Variants in CAPZB observed in about 807,000 individuals in gnomAD.
CAPZB encodes the protein F-actin-capping protein subunit beta.
In CAPZB, 2 loss-of-function variants were observed where a neutral mutation model predicts 38.1. The ratio of observed to expected loss-of-function variants is 0.05; its 90% confidence interval spans 0.02 to 0.17. The LOEUF (loss-of-function observed/expected upper bound fraction) is 0.17, where lower values mean the gene tolerates loss of function less well. CAPZB is among the 10% of genes least tolerant of loss of function. CAPZB has a pLI of 1.00. For missense variants in CAPZB, 161 were observed against 334.2 expected (o/e 0.48, Z 4.04); for synonymous variants, 107 against 127.4 (o/e 0.84, Z 1.08).
intron 1 of CAPZB, among the ~76,000 whole-genome samples, chr1:19,468,341 G>C (rs1408902947): frequency 1.3e-5 from 2 of 152,076 alleles, no homozygotes; most frequent in Non-Finnish European, 2.9e-5. Flanking sequence ...GTTACAAAGG[G>C]CTCCCTCCTG....
At chr1:19,471,471 C>T (rs1244531021) in intron 1 of CAPZB, among the ~76,000 whole-genome samples, 4 of 152,206 alleles carry the variant, frequency 2.6e-5, no homozygotes, top group Non-Finnish European at 5.9e-5. Context: ...GAGGATCCCA[C>T]ACTCACAGTA....
chr1:19,409,173 C>A (rs556509514), intron 2 of CAPZB, among the ~76,000 whole-genome samples: 1 of 152,094 alleles, frequency 6.6e-6, no homozygotes, highest in African/African-American at 2.4e-5. Flanking sequence ...CTTCTCAGAG[C>A]CTTTAATATG....
At chr1:19,457,402 A>G (rs2094536335) in intron 1 of CAPZB, among the ~76,000 whole-genome samples, 1 of 152,176 alleles carries the variant, frequency 6.6e-6, no homozygotes, top group South Asian at 2.1e-4. Context: ...ACAATGGCGC[A>G]CAGGCTGGCT....
rs554929344 is a variant in CAPZB, at chr1:19,428,868, G to GA, written c.4-9119dup. ...TGTGACCTAAGGTAGAGGACAGCCA[G>GA]AAAAAAAAAGCAGGAAAGAACTACA... is the stretch of plus-strand genomic sequence containing the variant. On this transcript the variant is annotated intron_variant, in intron 1 of 8. Coordinates refer to ENST00000264202, the MANE Select transcript of CAPZB (RefSeq NM_004930.5). 2.1e-4 allele frequency among the ~76,000 whole-genome samples: 32 copies of GA among 150,896 alleles called. No homozygotes were observed. In the East Asian group the frequency reaches 2.5e-3, roughly 12 times the overall value.
chr1:19,368,545 C>A (rs1483577661), intron 4 of CAPZB, among the ~76,000 whole-genome samples: 1 of 150,414 alleles, frequency 6.6e-6, no homozygotes, highest in South Asian at 2.1e-4. Context: ...AAAAAAGGAA[C>A]CCGCTGGGTG....
In CAPZB at chr1:19,456,230, A is replaced by G. The variant is rs544088953; in HGVS notation, c.3+29206T>C. Among the ~76,000 whole-genome samples the G allele has an allele frequency of 1.2e-3, 186 of 152,310 alleles. 1 individual carries two copies. The highest frequency in any genetic ancestry group is 1.2e-3 in the Non-Finnish European group (82 of 68,030). ...CCCGGTCCACAAGGCTCATAATTTTAAGGGCAACCAACAATCTGCTGCTAT... is the reference window on the plus strand; with the variant it reads ...CCCGGTCCACAAGGCTCATAATTTTGAGGGCAACCAACAATCTGCTGCTAT... On this transcript the variant is annotated intron_variant, in intron 1 of 8. Transcript: ENST00000264202.
intron 2 of CAPZB, among the ~76,000 whole-genome samples, chr1:19,409,342 C>A (rs530106122): frequency 6.6e-6 from 1 of 152,106 alleles, no homozygotes; most frequent in East Asian, 1.9e-4. Context: ...AGGTCACAGT[C>A]CAACAAGAAA....
At chr1:19,368,300 G>A (rs1255825372) in intron 4 of CAPZB, among the ~76,000 whole-genome samples, 4 of 152,080 alleles carry the variant, frequency 2.6e-5, no homozygotes, top group Non-Finnish European at 5.9e-5. Flanking sequence ...CAGCCAGTAG[G>A]TTAGATGCCC....
chr1:19,455,279 G>A (rs999137736), intron 1 of CAPZB, among the ~76,000 whole-genome samples: 1 of 152,236 alleles, frequency 6.6e-6, no homozygotes, highest in Non-Finnish European at 1.5e-5. Context: ...TTAACAAAAC[G>A]ATTCCACATC....
intron 4 of CAPZB, among the ~76,000 whole-genome samples, chr1:19,362,407 T>C (rs2094058331): frequency 6.6e-6 from 1 of 152,202 alleles, no homozygotes; most frequent in Non-Finnish European, 1.5e-5. Context: ...TGGATAATTA[T>C]TGTATTTTTA....
chr1:19,470,431 C>G (rs765362685), intron 1 of CAPZB, among the ~76,000 whole-genome samples: 1 of 152,108 alleles, frequency 6.6e-6, no homozygotes, highest in South Asian at 2.1e-4. Context: ...TCTGACTGTT[C>G]GACCCAATTG....
At chr1:19,453,025 G>A (rs906571279) in intron 1 of CAPZB, among the ~76,000 whole-genome samples, 4 of 151,674 alleles carry the variant, frequency 2.6e-5, no homozygotes, top group African/African-American at 9.7e-5. Context: ...GGCTGGTCTC[G>A]AACTCCTGAC....
chr1:19,427,659 T>G (rs2094427918), intron 1 of CAPZB, among the ~76,000 whole-genome samples: 1 of 152,188 alleles, frequency 6.6e-6, no homozygotes, highest in African/African-American at 2.4e-5. Context: ...AAGTGCTTCC[T>G]CCACTGCCTG....
intron 1 of CAPZB, among the ~76,000 whole-genome samples, chr1:19,479,931 C>T (rs1339612224): frequency 1.3e-5 from 2 of 152,152 alleles, no homozygotes; most frequent in African/African-American, 4.8e-5. Context: ...CTGACCTCTG[C>T]TTTTGTGCCA....
chr1:19,466,812 AG>A (rs2094570501), intron 1 of CAPZB, among the ~76,000 whole-genome samples: 1 of 152,238 alleles, frequency 6.6e-6, no homozygotes, highest in African/African-American at 2.4e-5. Context: ...TAATATTCAT[AG>A]GAAAAATATA....
chr1:19,347,074 C>T (rs2100259591), intron 6 of CAPZB, among the ~76,000 whole-genome samples: 1 of 151,998 alleles, frequency 6.6e-6, no homozygotes, highest in South Asian at 2.1e-4. Context: ...CTTCTGACCT[C>T]AGGTGATCCA....
intron 4 of CAPZB, among the ~76,000 whole-genome samples, chr1:19,360,426 G>A (rs552051034): frequency 6.6e-6 from 1 of 152,328 alleles, no homozygotes; most frequent in South Asian, 2.1e-4. Flanking sequence ...TGCAGCCCAG[G>A]GGCATTTCAT....
At chr1:19,385,714 T>C in intron 2 of CAPZB, 88 bp from the exon 3 acceptor site, 2 of 1,526,744 alleles carry the variant, frequency 1.3e-6, no homozygotes, top group Non-Finnish European at 1.8e-6. Context: ...CATATTGTGG[T>C]CAGTACCTTT....
At chr1:19,465,753 C>T (rs1416720967) in intron 1 of CAPZB, among the ~76,000 whole-genome samples, 1 of 152,164 alleles carries the variant, frequency 6.6e-6, no homozygotes, top group Non-Finnish European at 1.5e-5. Flanking sequence ...AAGCCAGTGC[C>T]TCCTGTCCTG....
Sources: gnomAD v4.1 joint callset for allele counts (sites outside exome capture counted in the v4.1 genomes callset) on GRCh38, gnomAD v4.1.1 for gene constraint, MANE v1.5 for transcripts, NCBI Gene and HGNC (gene_info 2026-07-23, HGNC 2026-07-21) for gene names.